GABRB1: variants seen among roughly 807,000 people sequenced by gnomAD.
GABRB1 encodes gamma-aminobutyric acid type A receptor subunit beta1, also known as gamma-aminobutyric acid receptor subunit beta-1.
Under a neutral mutation model 51.6 loss-of-function variants are expected in GABRB1, and 17 were observed. The ratio of observed to expected loss-of-function variants is 0.33; its 90% CI spans 0.23 to 0.49. The LOEUF is 0.49. GABRB1 is among the 20% of genes least tolerant of loss of function. The pLI is 0.99. For synonymous variants in GABRB1, 247 were observed against 218.9 expected (o/e 1.13, Z -1.14); for missense variants, 410 against 600.6 (o/e 0.68, Z 3.32).
chr4:47,415,269 A>G (rs1220176032), intron 8 of GABRB1, among the ~76,000 whole-genome samples: 3 of 152,224 alleles, frequency 2.0e-5, no homozygotes, highest in African/African-American at 7.2e-5. Flanking sequence ...AGGTGGAAGC[A>G]CAGTCCTAGT....
intron 4 of GABRB1, among the ~76,000 whole-genome samples, chr4:47,279,081 GGAAT>G (rs1270876923): frequency 7.8e-6 from 1 of 128,492 alleles, no homozygotes; most frequent in African/African-American, 2.9e-5. Context: ...CTCTTTCTTA[GGAAT>G]GGATGGATGG....
chr4:47,022,767 C>A (rs1724964247), intron 1 of GABRB1, among the ~76,000 whole-genome samples: 1 of 152,092 alleles, frequency 6.6e-6, no homozygotes, highest in Non-Finnish European at 1.5e-5. Context: ...AAATTGAGCT[C>A]AATTCCTCAA....
chr4:47,371,896 T>C (rs1727212117), intron 5 of GABRB1, among the ~76,000 whole-genome samples: 1 of 152,198 alleles, frequency 6.6e-6, no homozygotes, highest in Non-Finnish European at 1.5e-5. Context: ...GTTGTCTGTT[T>C]ATTCTGTTGA....
chr4:47,333,222 A>T (rs1253085476), intron 5 of GABRB1, among the ~76,000 whole-genome samples: 1 of 50,776 alleles, frequency 2.0e-5, no homozygotes, highest in African/African-American at 9.5e-5. Flanking sequence ...ATATATATAT[A>T]TATATATATA....
intron 5 of GABRB1, among the ~76,000 whole-genome samples, chr4:47,378,132 C>A (rs1037429521): frequency 2.6e-5 from 4 of 152,184 alleles, no homozygotes; most frequent in Non-Finnish European, 5.9e-5. Context: ...CACAGGAGCC[C>A]ACAGAGGCGG....
intron 1 of GABRB1, among the ~76,000 whole-genome samples, chr4:47,023,029 G>A (rs1397821726): frequency 1.3e-5 from 2 of 152,036 alleles, no homozygotes; most frequent in African/African-American, 2.4e-5. Context: ...GCAACGACAT[G>A]GATGGCACTG....
chr4:47,227,729 G>T (rs1054894518), intron 4 of GABRB1, among the ~76,000 whole-genome samples: 3 of 152,130 alleles, frequency 2.0e-5, no homozygotes, highest in Non-Finnish European at 4.4e-5. Context: ...GATAGACTAG[G>T]TGTCTTAAAT....
At chr4:47,308,111 G>A (rs938628033) in intron 4 of GABRB1, among the ~76,000 whole-genome samples, 2 of 151,778 alleles carry the variant, frequency 1.3e-5, no homozygotes, top group African/African-American at 2.4e-5. Flanking sequence ...TTTTAGCTTC[G>A]TTTTAAACTG....
chr4:47,299,170 T>C (rs1402072812), intron 4 of GABRB1, among the ~76,000 whole-genome samples: 1 of 152,184 alleles, frequency 6.6e-6, no homozygotes, highest in Non-Finnish European at 1.5e-5. Context: ...ATTCAGGACA[T>C]AGACATGGGC....
chr4:47,227,773 T>C (rs1322104960), intron 4 of GABRB1, among the ~76,000 whole-genome samples: 2 of 152,112 alleles, frequency 1.3e-5, no homozygotes, highest in East Asian at 3.9e-4. Flanking sequence ...TTCTGGAGGC[T>C]AGAATCTCAA....
rs967845831 is a variant in GABRB1, at chr4:47,376,989, A to C, written c.545-26329A>C. 2.0e-5 allele frequency among the ~76,000 whole-genome samples: 3 copies of C among 152,078 alleles called. No homozygotes were observed. The East Asian group carries it at 5.8e-4, about 29-fold the overall frequency. On this transcript the variant is annotated intron_variant, in intron 5 of 8. Transcript: ENST00000295454. ...ATAGCCCTTTATTTTAATACTTTTC[A>C]CATCACATTGTATTTATTTATCCAT...
intron 3 of GABRB1, among the ~76,000 whole-genome samples, chr4:47,091,870 G>A (rs1728309718): frequency 6.6e-6 from 1 of 151,992 alleles, no homozygotes; most frequent in Non-Finnish European, 1.5e-5. Context: ...GCTACCTCCC[G>A]CTGTTAGTGT....
intron 8 of GABRB1, among the ~76,000 whole-genome samples, chr4:47,418,775 C>G (rs1415536118): frequency 1.3e-5 from 2 of 152,152 alleles, no homozygotes; most frequent in Non-Finnish European, 2.9e-5. Context: ...GTGGAAGGAA[C>G]AAGTTGGATG....
At chr4:47,000,034 A>G (rs10938467) in intron 1 of GABRB1, among the ~76,000 whole-genome samples, 23,382 of 152,104 alleles carry the variant, frequency 0.15, 2,072 homozygotes, top group South Asian at 0.21. Flanking sequence ...TTTGAGCTGG[A>G]CTCATGTCAC....
chr4:47,195,236 G>A (rs1272556820), intron 4 of GABRB1, among the ~76,000 whole-genome samples: 2 of 152,008 alleles, frequency 1.3e-5, no homozygotes, highest in East Asian at 1.9e-4. Context: ...GCATTGTGGC[G>A]GGCGCCTGTA....
chr4:47,159,839 A>G (rs545324677), intron 3 of GABRB1, among the ~76,000 whole-genome samples: 2 of 152,176 alleles, frequency 1.3e-5, no homozygotes, highest in East Asian at 1.9e-4. Flanking sequence ...ACTGGTATAT[A>G]TAACAGTGGC....
intron 4 of GABRB1, among the ~76,000 whole-genome samples, chr4:47,192,734 TA>T (rs1392881496): frequency 6.6e-6 from 1 of 152,162 alleles, no homozygotes; most frequent in East Asian, 1.9e-4. Flanking sequence ...TTCTTAAAAA[TA>T]AAAATTGAGG....
chr4:47,280,815 T>C (rs1468533211), intron 4 of GABRB1, among the ~76,000 whole-genome samples: 3 of 107,846 alleles, frequency 2.8e-5, no homozygotes, highest in Non-Finnish European at 5.6e-5. Context: ...GTCTGGCTAA[T>C]TTTTTTTTTT....
At chr4:47,312,884 G>A (rs904396874) in intron 4 of GABRB1, among the ~76,000 whole-genome samples, 1 of 152,072 alleles carries the variant, frequency 6.6e-6, no homozygotes, top group African/African-American at 2.4e-5. Context: ...AAAAACCTAG[G>A]TTTCAAGATA....
Sources: allele counts gnomAD v4.1 joint callset (sites outside exome capture counted in the v4.1 genomes callset), GRCh38; gene constraint gnomAD v4.1.1; transcripts MANE v1.5; gene names NCBI Gene and HGNC (gene_info 2026-07-23, HGNC 2026-07-21).